Variants in RANBP2 observed in about 807,000 individuals in gnomAD.
RANBP2 encodes RAN binding protein 2, also known as E3 SUMO-protein ligase RanBP2.
In RANBP2, 57 loss-of-function variants were observed where a neutral mutation model predicts 303.6. The ratio of observed to expected loss-of-function variants is 0.19; its 90% CI spans 0.15 to 0.23. The LOEUF is 0.23. Ranked by LOEUF, RANBP2 falls within the 10% of genes least tolerant of loss-of-function variation. The probability of loss-of-function intolerance (pLI) is 1.00; values close to 1 mark genes in which losing one functional copy is unlikely to be tolerated. For missense variants in RANBP2, 3,138 were observed against 3,780.8 expected, an observed-to-expected ratio of 0.83 and a Z score of 4.46; for synonymous variants, 1,167 against 1,301.5, an observed-to-expected ratio of 0.90 and a Z score of 2.23.
chr2:109,134,667 T>A, the RANBP2 span, among the ~76,000 whole-genome samples: 1 of 152,124 alleles, frequency 6.6e-6, no homozygotes, highest in African/African-American at 2.4e-5. Context: ...ACACAGTTAA[T>A]GAGGGTGTTT....
At chr2:109,295,341 T>G in the RANBP2 span, among the ~76,000 whole-genome samples, 35 of 152,290 alleles carry the variant, frequency 2.3e-4, no homozygotes, top group African/African-American at 7.9e-4. Flanking sequence ...GGTTAAACAA[T>G]TGCTCAAGTC....
chr2:108,934,341 G>A, the RANBP2 span, among the ~76,000 whole-genome samples: 1 of 152,114 alleles, frequency 6.6e-6, no homozygotes, highest in African/African-American at 2.4e-5. Flanking sequence ...GGGGCTGACG[G>A]CTCCCAGTCG....
At chr2:109,123,587 C>T in the RANBP2 span, among the ~76,000 whole-genome samples, 1 of 152,158 alleles carries the variant, frequency 6.6e-6, no homozygotes, top group Non-Finnish European at 1.5e-5. Flanking sequence ...GACTCAAGTC[C>T]CCCACTTTGG....
At chr2:109,613,693 G>T in the RANBP2 span, 1 of 761,660 alleles carries the variant, frequency 1.3e-6, no homozygotes, top group Non-Finnish European at 1.8e-6. Context: ...GAGGGGGCGC[G>T]GGTCACAATC....
At chr2:109,350,187 G>A in the RANBP2 span, among the ~76,000 whole-genome samples, 60 of 152,312 alleles carry the variant, frequency 3.9e-4, no homozygotes, top group East Asian at 0.011. Context: ...CATGTGGGGT[G>A]GGGGTAGCCG....
chr2:109,546,090 C>T, the RANBP2 span: 1 of 1,603,426 alleles, frequency 6.2e-7, no homozygotes, highest in South Asian at 1.1e-5. Context: ...CTGCCTGTTG[C>T]CAGAAAGGAC....
chr2:109,289,096 A>G, the RANBP2 span, among the ~76,000 whole-genome samples: 2 of 152,206 alleles, frequency 1.3e-5, no homozygotes, highest in African/African-American at 2.4e-5. Flanking sequence ...TGGCGTTATA[A>G]AGCTGAACTG....
chr2:109,124,434 A>G, the RANBP2 span: 1 of 152,232 alleles, frequency 6.6e-6, no homozygotes, highest in Non-Finnish European at 1.5e-5. Flanking sequence ...TCGGCCTCCC[A>G]AAGTTCTGGG....
the RANBP2 span, among the ~76,000 whole-genome samples, chr2:108,799,883 A>C: frequency 1.3e-5 from 2 of 151,718 alleles, no homozygotes; most frequent in African/African-American, 4.8e-5. Flanking sequence ...TTTAATCTCC[A>C]TGTTGCTATT....
chr2:109,011,701 T>C, the RANBP2 span, among the ~76,000 whole-genome samples: 1 of 152,222 alleles, frequency 6.6e-6, no homozygotes, highest in Admixed American at 6.5e-5. Flanking sequence ...TTTTTGTTTG[T>C]TAGTCTTTTT....
At chr2:109,615,412 G>A in the RANBP2 span, 1 of 1,613,074 alleles carries the variant, frequency 6.2e-7, no homozygotes, top group Non-Finnish European at 8.5e-7. Context: ...TGCCTGCACT[G>A]GGCCGCCAAG....
At chr2:109,257,768 C>T in the RANBP2 span, among the ~76,000 whole-genome samples, 1 of 152,144 alleles carries the variant, frequency 6.6e-6, no homozygotes, top group Non-Finnish European at 1.5e-5. Flanking sequence ...AGTGCAGAAA[C>T]AAGGGCTGAA....
chr2:109,480,347 G>C, the RANBP2 span, among the ~76,000 whole-genome samples: 1 of 152,146 alleles, frequency 6.6e-6, no homozygotes. Context: ...GTTTACAGAT[G>C]GGAGAACTGA....
chr2:109,142,052 G>GC, the RANBP2 span, among the ~76,000 whole-genome samples: 10 of 151,486 alleles, frequency 6.6e-5, no homozygotes, highest in African/African-American at 2.4e-4. Context: ...CTGGGGGGGG[G>GC]GTCTCAGGTA....
chr2:109,433,292 A>G, the RANBP2 span, among the ~76,000 whole-genome samples: 2 of 152,250 alleles, frequency 1.3e-5, no homozygotes, highest in East Asian at 1.9e-4. Context: ...CCAAAGGTCA[A>G]CGATTGTTGA....
chr2:108,774,880 C>T (rs962337227), intron 23 of RANBP2, among the ~76,000 whole-genome samples: 10 of 151,774 alleles, frequency 6.6e-5, no homozygotes, highest in African/African-American at 2.2e-4. Context: ...TTAGTAGAGA[C>T]GGGGTTTCAC....
the RANBP2 span, among the ~76,000 whole-genome samples, chr2:109,155,374 C>G: frequency 6.6e-6 from 1 of 152,196 alleles, no homozygotes; most frequent in African/African-American, 2.4e-5. Context: ...GATCTTGGCT[C>G]ACTGCAAGCT....
At chr2:109,559,907 A>C in the RANBP2 span, among the ~76,000 whole-genome samples, 1 of 129,646 alleles carries the variant, frequency 7.7e-6, no homozygotes, top group South Asian at 2.4e-4. Context: ...CCTCCAACCA[A>C]TGCCTTTTTT....
chr2:109,322,675 A>C, the RANBP2 span, among the ~76,000 whole-genome samples: 1 of 152,240 alleles, frequency 6.6e-6, no homozygotes, highest in Non-Finnish European at 1.5e-5. Context: ...AGGACTCATT[A>C]GCTGAGCACA....
Sources: allele counts gnomAD v4.1 joint callset (sites outside exome capture counted in the v4.1 genomes callset), GRCh38; gene constraint gnomAD v4.1.1; transcripts MANE v1.5; gene names NCBI Gene and HGNC (gene_info 2026-07-23, HGNC 2026-07-21).